Variants in ZFAND1 observed in about 807,000 individuals in gnomAD.
ZFAND1 encodes the protein AN1-type zinc finger protein 1.
Under a neutral mutation model 38.5 loss-of-function variants are expected in ZFAND1, and 40 were observed. The observed-to-expected ratio is 1.04, with a 90% confidence interval of 0.81 to 1.35. The LOEUF (loss-of-function observed/expected upper bound fraction) is 1.35. Among genes scored for constraint, ZFAND1 ranks in the 40% most tolerant of loss-of-function variants. The probability of loss-of-function intolerance (pLI) is 0.00; values close to 1 mark genes in which losing one functional copy is unlikely to be tolerated. For synonymous variants in ZFAND1, 117 were observed against 103.6 expected, an observed-to-expected ratio of 1.13 and a Z score of -0.78; for missense variants, 346 against 316.3, an observed-to-expected ratio of 1.09 and a Z score of -0.71.
At chr8:81,707,027 T>A (rs536217485) in intron 6 of ZFAND1, among the ~76,000 whole-genome samples, 1 of 152,254 alleles carries the variant, frequency 6.6e-6, no homozygotes, top group South Asian at 2.1e-4. Context: ...GTCATAAAAA[T>A]GTCATTTCTT....
intron 6 of ZFAND1, among the ~76,000 whole-genome samples, chr8:81,711,780 A>C (rs1239119888): frequency 6.6e-6 from 1 of 152,132 alleles, no homozygotes; most frequent in Non-Finnish European, 1.5e-5. Flanking sequence ...TTTTGGAAAA[A>C]TATTTACCAA....
chr8:81,707,489 A>T (rs557010826), intron 6 of ZFAND1, among the ~76,000 whole-genome samples: 1 of 152,352 alleles, frequency 6.6e-6, no homozygotes, highest in South Asian at 2.1e-4. Context: ...CAACTTCTTT[A>T]ACAGGCTATG....
At chr8:81,704,038 CT>C in intron 6 of ZFAND1, among the ~76,000 whole-genome samples, 1 of 151,978 alleles carries the variant, frequency 6.6e-6, no homozygotes. Flanking sequence ...TACAACATTT[CT>C]TTTTATGTGA....
At chr8:81,707,629 GA>G (rs954156048) in intron 6 of ZFAND1, among the ~76,000 whole-genome samples, 1 of 151,880 alleles carries the variant, frequency 6.6e-6, no homozygotes, top group Non-Finnish European at 1.5e-5. Flanking sequence ...AAAATACTAA[GA>G]AAAAAATGGA....
At chr8:81,711,571 T>A (rs560027146) in intron 6 of ZFAND1, among the ~76,000 whole-genome samples, 37 of 152,094 alleles carry the variant, frequency 2.4e-4, no homozygotes, top group Non-Finnish European at 4.9e-4. Context: ...TAAATCCAAA[T>A]CATGGTTCTT....
intron 1 of ZFAND1, among the ~76,000 whole-genome samples, chr8:81,718,601 T>G (rs1808381505): frequency 6.6e-6 from 1 of 151,404 alleles, no homozygotes; most frequent in African/African-American, 2.4e-5. Flanking sequence ...TGCTTACTAA[T>G]CTAACAGTGC....
At position 81,710,957 on chromosome 8, in the gene ZFAND1, G is replaced by A. The variant is rs140757667; in HGVS notation, c.480+2961C>T. Among the ~76,000 whole-genome samples the A allele has an allele frequency of 3.9e-3, 588 of 152,262 alleles. 5 individuals carry two copies. The highest frequency in any genetic ancestry group is 0.013 in the African/African-American group (543 of 41,550). ...TGGTACATATAGACAGAAAGAGACA[G>A]CAGATGATAAAGCAAACACAGCAAA... On this transcript the variant is annotated intron_variant, in intron 6 of 7. Coordinates refer to ENST00000220669, the MANE Select transcript of ZFAND1 (RefSeq NM_024699.3).
At chr8:81,720,295 A>C (rs919950555) in intron 1 of ZFAND1, among the ~76,000 whole-genome samples, 11 of 152,162 alleles carry the variant, frequency 7.2e-5, no homozygotes, top group African/African-American at 2.7e-4. Flanking sequence ...GACTAGGTAT[A>C]TCCCAAGGTC....
At chr8:81,709,362 C>T (rs1240268301) in intron 6 of ZFAND1, among the ~76,000 whole-genome samples, 1 of 152,050 alleles carries the variant, frequency 6.6e-6, no homozygotes, top group African/African-American at 2.4e-5. Flanking sequence ...ACTCCAGGAA[C>T]TCTAGGTTCA....
intron 5 of ZFAND1, 175 bp downstream of exon 5, chr8:81,714,629 T>C: frequency 1.0e-5 from 6 of 597,530 alleles, no homozygotes; most frequent in South Asian, 8.3e-5. Context: ...TTTCCAAATT[T>C]CCATCGGTCA....
intron 6 of ZFAND1, among the ~76,000 whole-genome samples, chr8:81,711,367 G>A (rs151181409): frequency 0.015 from 2,311 of 152,210 alleles, 26 homozygotes; most frequent in Middle Eastern, 0.037. Flanking sequence ...AGCTGAGATC[G>A]CACGACTGCA....
chr8:81,706,273 A>G (rs1807976028), intron 6 of ZFAND1, among the ~76,000 whole-genome samples: 1 of 151,792 alleles, frequency 6.6e-6, no homozygotes, highest in Non-Finnish European at 1.5e-5. Context: ...CATGTTCAAA[A>G]AAGACTCATA....
chr8:81,718,533 T>C (rs1349456734), intron 1 of ZFAND1, among the ~76,000 whole-genome samples: 1 of 151,936 alleles, frequency 6.6e-6, no homozygotes, highest in East Asian at 1.9e-4. Context: ...TTGATGACTG[T>C]ATACTGCAAA....
intron 3 of ZFAND1, among the ~76,000 whole-genome samples, chr8:81,716,504 C>T (rs1263522755): frequency 6.6e-6 from 1 of 152,196 alleles, no homozygotes; most frequent in Non-Finnish European, 1.5e-5. Context: ...CTATAGGTTT[C>T]TTCCTGGTTG....
At chr8:81,706,013 T>C (rs1807969185) in intron 6 of ZFAND1, among the ~76,000 whole-genome samples, 2 of 151,880 alleles carry the variant, frequency 1.3e-5, no homozygotes, top group Non-Finnish European at 2.9e-5. Context: ...AGAGAGAAAA[T>C]GAGTAAAATT....
chr8:81,718,320 T>C (rs557344724), intron 1 of ZFAND1, 96 bp from the exon 2 acceptor site: 1 of 913,836 alleles, frequency 1.1e-6, no homozygotes, highest in Non-Finnish European at 1.6e-6. Context: ...ACTTCCCATT[T>C]TGACTAATAT....
At chr8:81,707,911 AGC>A (rs1808029376) in intron 6 of ZFAND1, among the ~76,000 whole-genome samples, 1 of 152,216 alleles carries the variant, frequency 6.6e-6, no homozygotes, top group Non-Finnish European at 1.5e-5. Flanking sequence ...TTAAGCCCTC[AGC>A]TCACATCATA....
intron 6 of ZFAND1, among the ~76,000 whole-genome samples, chr8:81,710,729 AT>A (rs1445969659): frequency 6.6e-6 from 1 of 152,216 alleles, no homozygotes; most frequent in South Asian, 2.1e-4. Flanking sequence ...GTGAAACAAT[AT>A]TATAATTCAA....
rs554738196 is a variant in ZFAND1, at chr8:81,717,403, A to G, written c.99-115T>C. On this transcript the variant is annotated intron_variant, in intron 2 of 7. Coordinates refer to ENST00000220669, the MANE Select transcript of ZFAND1 (RefSeq NM_024699.3). ...GATACATTATGCTCATACTACATTA[A>G]TAACTTTGAATATGAGAAAAAACTG... is the stretch of plus-strand genomic sequence containing the variant. 7.7e-6 allele frequency: 5 copies of G among 645,472 alleles called. No individual in the cohort carries two copies. In the East Asian group the frequency reaches 1.7e-4, roughly 21 times the overall value. 40.0% of individuals were successfully genotyped at this position (645,472 alleles called of 1,614,324 possible). A position where few individuals can be genotyped will look rare whatever the true frequency, so the allele number is the denominator to read the frequency against.
Sources: allele counts gnomAD v4.1 joint callset (sites outside exome capture counted in the v4.1 genomes callset), GRCh38; gene constraint gnomAD v4.1.1; transcripts MANE v1.5; gene names NCBI Gene and HGNC (gene_info 2026-07-23, HGNC 2026-07-21).